EYA3: variants seen among roughly 807,000 people sequenced by gnomAD.
EYA3 encodes the protein EYA transcriptional coactivator and phosphatase 3.
A neutral mutation model predicts 80.0 loss-of-function variants in EYA3; 39 were observed. The observed-to-expected ratio is 0.49, with a 90% CI of 0.38 to 0.64. The LOEUF is 0.64. Among genes scored for constraint, EYA3 ranks in the 30% least tolerant of loss-of-function variants. EYA3 has a pLI of 0.00. For missense variants in EYA3, 523 were observed against 676.1 expected (o/e 0.77, Z 2.51); for synonymous variants, 206 against 232.8 (o/e 0.88, Z 1.05).
intron 16 of EYA3, among the ~76,000 whole-genome samples, chr1:27,978,870 G>A (rs1355780654): frequency 6.6e-6 from 1 of 152,216 alleles, no homozygotes; most frequent in African/African-American, 2.4e-5. Context: ...GCTGAGGCAG[G>A]AGAATCGCTT....
At chr1:28,042,409 C>G (rs1232950704) in intron 4 of EYA3, among the ~76,000 whole-genome samples, 162 bp downstream of exon 4, 2 of 152,096 alleles carry the variant, frequency 1.3e-5, no homozygotes, top group African/African-American at 4.8e-5. Flanking sequence ...GTCAATAAAG[C>G]TTACAGGAGG....
At chr1:28,043,839 A>C (rs917285434) in intron 3 of EYA3, among the ~76,000 whole-genome samples, 1 of 152,102 alleles carries the variant, frequency 6.6e-6, no homozygotes, top group Non-Finnish European at 1.5e-5. Flanking sequence ...CTCTGTCTCA[A>C]AAACAAAACA....
chr1:28,081,614 AT>A (rs1340865838), intron 1 of EYA3, among the ~76,000 whole-genome samples: 1 of 152,160 alleles, frequency 6.6e-6, no homozygotes, highest in Admixed American at 6.5e-5. Flanking sequence ...TATCACATTC[AT>A]TTCATCAATC....
chr1:28,028,120 T>C (rs1642896195), intron 6 of EYA3, among the ~76,000 whole-genome samples, 194 bp from the exon 7 acceptor site: 2 of 152,190 alleles, frequency 1.3e-5, no homozygotes, highest in East Asian at 3.8e-4. Flanking sequence ...AATTAGGGGA[T>C]GAGGCTAAAG....
At chr1:28,067,917 G>A (rs1644889838) in intron 1 of EYA3, among the ~76,000 whole-genome samples, 1 of 152,062 alleles carries the variant, frequency 6.6e-6, no homozygotes, top group Non-Finnish European at 1.5e-5. Flanking sequence ...TTAAAGTTGA[G>A]GAAATTAAAC....
At chr1:28,027,295 C>CT (rs915966479) in intron 7 of EYA3, among the ~76,000 whole-genome samples, 4 of 152,096 alleles carry the variant, frequency 2.6e-5, no homozygotes, top group Non-Finnish European at 5.9e-5. Context: ...TAATACTATG[C>CT]TTTTTATCCT....
chr1:27,982,126 C>A (rs1415513197), intron 16 of EYA3, among the ~76,000 whole-genome samples: 1 of 151,744 alleles, frequency 6.6e-6, no homozygotes, highest in Non-Finnish European at 1.5e-5. Flanking sequence ...CGTGCCTCAG[C>A]CTCCTAAGTA....
intron 3 of EYA3, among the ~76,000 whole-genome samples, chr1:28,048,120 T>C (rs556984199): frequency 1.3e-4 from 20 of 152,230 alleles, no homozygotes; most frequent in Non-Finnish European, 4.4e-5. Flanking sequence ...CTCCTCTATG[T>C]AGCACAGTGC....
intron 6 of EYA3, 61 bp from the exon 7 acceptor site, chr1:28,027,987 G>A (rs1202931338): frequency 8.9e-6 from 14 of 1,568,690 alleles, no homozygotes; most frequent in African/African-American, 1.4e-5. Context: ...GCATGGTTAT[G>A]CTTTCAAATA....
chr1:28,066,556 T>G (rs975344991), intron 1 of EYA3, among the ~76,000 whole-genome samples: 4 of 151,938 alleles, frequency 2.6e-5, no homozygotes, highest in Non-Finnish European at 4.4e-5. Context: ...CTGTAAGTAA[T>G]TATAAATATA....
chr1:28,028,584 T>TC (rs1278166382), intron 6 of EYA3, among the ~76,000 whole-genome samples: 1 of 144,710 alleles, frequency 6.9e-6, no homozygotes, highest in African/African-American at 2.5e-5. Context: ...TTCTTCTTCT[T>TC]TTTTTTTTTT....
intron 4 of EYA3, among the ~76,000 whole-genome samples, chr1:28,041,118 C>G (rs1643752330): frequency 6.6e-6 from 1 of 151,924 alleles, no homozygotes. Context: ...AATCCCAGCA[C>G]TTTGGGAGGC....
Position 27,972,738 on chromosome 1 carries a change from G to C in EYA3, c.*1728C>G, listed in dbSNP as rs1233251082. On this transcript the variant is annotated 3_prime_UTR_variant, in exon 18 of 18. Transcript: ENST00000373871. ...GGAATTTTATCCTGCCTGAGTAGAT[G>C]CCCAAATTGCTCTTGGAGGGATGGG... 6.6e-6 allele frequency: 1 copy of C among 152,270 alleles called. No homozygotes were observed. Among genetic ancestry groups the C allele is most frequent in the Non-Finnish European group, 1.5e-5 (1 of 68,062 alleles). 9.4% of individuals were successfully genotyped at this position (152,270 alleles called of 1,614,324 possible).
chr1:28,011,966 A>AT (rs1641725349), intron 9 of EYA3, among the ~76,000 whole-genome samples: 1 of 152,244 alleles, frequency 6.6e-6, no homozygotes, highest in South Asian at 2.1e-4. Flanking sequence ...AACAAAACTC[A>AT]TAACATTTAT....
intron 9 of EYA3, among the ~76,000 whole-genome samples, chr1:28,011,984 C>G (rs1299707742): frequency 6.6e-6 from 1 of 151,990 alleles, no homozygotes; most frequent in African/African-American, 2.4e-5. Context: ...TATGAGAAAG[C>G]TGGAAATACA....
At chr1:28,048,216 A>C (rs1356920346) in intron 3 of EYA3, among the ~76,000 whole-genome samples, 167 bp downstream of exon 3, 1 of 152,160 alleles carries the variant, frequency 6.6e-6, no homozygotes, top group East Asian at 1.9e-4. Context: ...TCAGGAAAAA[A>C]CTATTTGGAA....
chr1:27,992,372 G>C (rs1640133161), intron 14 of EYA3, among the ~76,000 whole-genome samples: 1 of 152,178 alleles, frequency 6.6e-6, no homozygotes, highest in Admixed American at 6.5e-5. Context: ...TGCATGTGCA[G>C]TTCACAATAG....
chr1:28,073,991 A>G (rs1408346423), intron 1 of EYA3, among the ~76,000 whole-genome samples: 2 of 152,204 alleles, frequency 1.3e-5, no homozygotes, highest in Non-Finnish European at 2.9e-5. Flanking sequence ...AATTATAAAC[A>G]TAGTTGGAAC....
In EYA3 at chr1:27,986,393, CTTAACA is replaced by C. The variant is rs1271809305; in HGVS notation, c.1540+2136_1540+2141del. On this transcript the variant is annotated intron_variant, in intron 16 of 17. Coordinates refer to ENST00000373871, the MANE Select transcript of EYA3 (RefSeq NM_001990.4). ...AAAAAAGTAGCATAAAATTTACTCT[CTTAACA>C]TTTTTTTTTTTTTTTTTGAGGCAGA... Among the ~76,000 whole-genome samples the C allele has an allele frequency of 4.0e-5, 6 of 148,408 alleles. No homozygotes were observed. The East Asian group carries it at 1.2e-3, about 30-fold the overall frequency.
Sources: gnomAD v4.1 joint callset for allele counts (sites outside exome capture counted in the v4.1 genomes callset) on GRCh38, gnomAD v4.1.1 for gene constraint, MANE v1.5 for transcripts, NCBI Gene and HGNC (gene_info 2026-07-23, HGNC 2026-07-21) for gene names.